UBE2E1: variants seen among roughly 807,000 people sequenced by gnomAD.
UBE2E1 encodes the protein ubiquitin-conjugating enzyme E2 E1.
Under a neutral mutation model 21.4 loss-of-function variants are expected in UBE2E1, and 6 were observed. The ratio of observed to expected loss-of-function variants is 0.28; its 90% confidence interval spans 0.15 to 0.55. The LOEUF (loss-of-function observed/expected upper bound fraction) is 0.55, where lower values mean the gene tolerates loss of function less well. UBE2E1 is among the 20% of genes least tolerant of loss of function. The probability of loss-of-function intolerance (pLI) is 0.93; values close to 1 mark genes in which losing one functional copy is unlikely to be tolerated. For synonymous variants in UBE2E1, 87 were observed against 82.7 expected, an observed-to-expected ratio of 1.05 and a Z score of -0.28; for missense variants, 142 against 236.5, an observed-to-expected ratio of 0.60 and a Z score of 2.62.
intron 3 of UBE2E1, among the ~76,000 whole-genome samples, chr3:23,815,358 C>G (rs1471321718): frequency 6.6e-6 from 1 of 152,090 alleles, no homozygotes; most frequent in Non-Finnish European, 1.5e-5. Context: ...CTAACACTGC[C>G]TATATTTTAA....
intron 3 of UBE2E1, among the ~76,000 whole-genome samples, chr3:23,877,326 G>C (rs1344664246): frequency 2.0e-5 from 3 of 152,050 alleles, no homozygotes; most frequent in African/African-American, 7.2e-5. Flanking sequence ...AATAAAATAA[G>C]ACTGGGCACT....
At position 23,816,309 on chromosome 3, in the gene UBE2E1, G is replaced by A. The variant is rs1466512269; in HGVS notation, c.203+4799G>A. 6.6e-6 allele frequency among the ~76,000 whole-genome samples: 1 copy of A among 152,172 alleles called. No homozygotes were observed. The highest frequency in any genetic ancestry group is 1.5e-5 in the Non-Finnish European group (1 of 68,032). ...GAAAAAACCCAAGTGTCTGTCAACA[G>A]ATGAGTGGATAAACAAAATTTGGTT... On this transcript the variant is annotated intron_variant, in intron 3 of 5. Transcript: ENST00000306627. The surrounding 1 kb of genome is among the most constrained non-coding windows in gnomAD (Gnocchi z 4.8).
In UBE2E1 at chr3:23,810,371, G is replaced by T. The variant is rs1450234622; in HGVS notation, c.153-1089G>T. 5 of 1,488,018 alleles carry T rather than the reference G, an allele frequency of 3.4e-6. 1 individual carries two copies. The South Asian group carries it at 3.6e-5, about 11-fold the overall frequency. The allele number at this position is 1,488,018 out of a possible 1,614,324, so 92.2% of individuals were successfully genotyped here. On this transcript the variant is annotated intron_variant, in intron 2 of 5. Transcript: ENST00000306627. This position sits in a 1 kb window ranked among gnomAD's most constrained non-coding sequence, Gnocchi z 5.8. ...TTGGTGTGAACTGCCTGGTGGCTTC[G>T]GCCTATGAGTGGGGGATGGGGCCCT...
chr3:23,864,226 C>T (rs999008731), intron 3 of UBE2E1, among the ~76,000 whole-genome samples: 3 of 152,090 alleles, frequency 2.0e-5, no homozygotes, highest in South Asian at 2.1e-4. Context: ...ATCTGAAGCC[C>T]GCTGATTTGG....
intron 3 of UBE2E1, among the ~76,000 whole-genome samples, chr3:23,820,286 T>TTA (rs1258312231): frequency 6.6e-6 from 1 of 152,232 alleles, no homozygotes; most frequent in Admixed American, 6.5e-5. Context: ...ACCTCCTCCT[T>TTA]TATAGGCTAA....
rs148583206 is a variant in UBE2E1 at position 23,816,230 on chromosome 3, A to G, written c.203+4720A>G. Among the ~76,000 whole-genome samples, 44 of 152,348 alleles carry G rather than the reference A, an allele frequency of 2.9e-4. No individual in the cohort carries two copies. Among genetic ancestry groups the G allele is most frequent in the Non-Finnish European group, 4.9e-4 (33 of 68,030 alleles). ...TGAATAATTAAAAACAGAGGCTCAA[A>G]CAGATAACCTGTATGTCAGTATTCA... is the stretch of plus-strand genomic sequence containing the variant. On this transcript the variant is annotated intron_variant, in intron 3 of 5. Coordinates refer to ENST00000306627, the MANE Select transcript of UBE2E1 (RefSeq NM_003341.5). This position sits in a 1 kb window ranked among gnomAD's most constrained non-coding sequence, Gnocchi z 4.8.
Position 23,808,768 on chromosome 3 carries a change from A to G in UBE2E1, c.152+1347A>G, listed in dbSNP as rs1254484805. 1 of 152,136 alleles carries G rather than the reference A, an allele frequency of 6.6e-6. No individual in the cohort carries two copies. Among genetic ancestry groups the G allele is most frequent in the South Asian group, 2.1e-4 (1 of 4,822 alleles). 9.4% of individuals were successfully genotyped at this position (152,136 alleles called of 1,614,324 possible). On this transcript the variant is annotated intron_variant, in intron 2 of 5. Coordinates refer to ENST00000306627, the MANE Select transcript of UBE2E1 (RefSeq NM_003341.5). The surrounding 1 kb of genome is among the most constrained non-coding windows in gnomAD (Gnocchi z 4.9). ...ATTAGCCCTGTGCGGTTTTCCTGGA[A>G]CCTGACATCTACTCTGCCCACTTGG...
Position 23,811,503 on chromosome 3 carries a change from A to G in UBE2E1, c.196A>G (p.Asn66Asp). 2 of 1,614,154 alleles carry G rather than the reference A, an allele frequency of 1.2e-6. No homozygotes were observed. The highest frequency in any genetic ancestry group is 1.7e-6 in the Non-Finnish European group (2 of 1,179,978). Residue 66 changes from asparagine (N) to aspartate (D), a missense_variant, in exon 3 of 6, where the codon AAT (asparagine) becomes GAT (aspartate). By Grantham distance (23) the Asn-to-Asp change is conservative. Transcript: ENST00000306627. ...LADITLDPPP[N>D]CSAGPKGDNI... Reference sequence around the variant, plus strand: ...GGACATCACTTTAGACCCTCCACCTAATTGCAGGTGAGTTGCTTTTCGGAT... The same window carrying G: ...GGACATCACTTTAGACCCTCCACCTGATTGCAGGTGAGTTGCTTTTCGGAT...
In UBE2E1 at chr3:23,808,297, A is replaced by G. The variant is rs1268195187; in HGVS notation, c.152+876A>G. ...TTTACCCCTGCCATCCTTCAGTAAT[A>G]TCCTCTGATCGCCATGACCCTCAAA... On this transcript the variant is annotated intron_variant, in intron 2 of 5. Coordinates refer to ENST00000306627, the MANE Select transcript of UBE2E1 (RefSeq NM_003341.5). The surrounding 1 kb of genome is among the most constrained non-coding windows in gnomAD (Gnocchi z 4.9). 6.6e-6 allele frequency among the ~76,000 whole-genome samples: 1 copy of G among 152,050 alleles called. No homozygotes were observed. The highest frequency in any genetic ancestry group is 2.4e-5 in the African/African-American group (1 of 41,372).
intron 3 of UBE2E1, among the ~76,000 whole-genome samples, chr3:23,856,726 C>T (rs577633537): frequency 4.0e-4 from 61 of 152,096 alleles, no homozygotes; most frequent in African/African-American, 1.3e-3. Context: ...GAAAAGAAAG[C>T]GCTTTAGAAA....
In UBE2E1 at chr3:23,870,777, A is replaced by C. The variant is rs1700766752; in HGVS notation, c.204-16790A>C. ...ATAGTGGAGGGAAGGTCAGCAGATA[A>C]ACAAGTGAACAAAGGTCTCTGGTTT... On this transcript the variant is annotated intron_variant, in intron 3 of 5. Coordinates refer to ENST00000306627, the MANE Select transcript of UBE2E1 (RefSeq NM_003341.5). The surrounding 1 kb of genome is among the most constrained non-coding windows in gnomAD (Gnocchi z 4.2). Among the ~76,000 whole-genome samples, 1 of 151,908 alleles carries C rather than the reference A, an allele frequency of 6.6e-6. No homozygotes were observed. Among genetic ancestry groups the C allele is most frequent in the Admixed American group, 6.6e-5 (1 of 15,234 alleles).
chr3:23,859,124 C>G (rs1700500193), intron 3 of UBE2E1, among the ~76,000 whole-genome samples: 1 of 152,176 alleles, frequency 6.6e-6, no homozygotes, highest in South Asian at 2.1e-4. Context: ...AGTTACCTCA[C>G]TAAACACTCC....
Position 23,877,392 on chromosome 3 carries a change from G to A in UBE2E1, c.204-10175G>A, listed in dbSNP as rs79688653. On this transcript the variant is annotated intron_variant, in intron 3 of 5. Transcript: ENST00000306627. ...CTCTTCCCTTTACTAGCTTAACCCT[G>A]AGCAAATTTTCTCTAAGGCAGGGTT... 6.0e-4 allele frequency among the ~76,000 whole-genome samples: 92 copies of A among 152,260 alleles called. No individual in the cohort carries two copies. In the East Asian group the frequency reaches 0.017, roughly 28 times the overall value.
chr3:23,888,024 A>G (rs2125331281), intron 4 of UBE2E1, among the ~76,000 whole-genome samples: 1 of 152,298 alleles, frequency 6.6e-6, no homozygotes, highest in Non-Finnish European at 1.5e-5. Context: ...AAATGGTGTC[A>G]AGCCAGGTGC....
chr3:23,862,820 G>A (rs1407885854), intron 3 of UBE2E1, among the ~76,000 whole-genome samples: 1 of 151,952 alleles, frequency 6.6e-6, no homozygotes, highest in African/African-American at 2.4e-5. Context: ...CAAACTCCTG[G>A]GCTCAGGCAT....
chr3:23,841,902 T>C (rs1169249829), intron 3 of UBE2E1, among the ~76,000 whole-genome samples: 1 of 152,152 alleles, frequency 6.6e-6, no homozygotes, highest in Non-Finnish European at 1.5e-5. Context: ...GGTTTAGAGT[T>C]CTATTAGGAG....
At chr3:23,862,413 T>G (rs577230833) in intron 3 of UBE2E1, among the ~76,000 whole-genome samples, 28 of 152,228 alleles carry the variant, frequency 1.8e-4, no homozygotes, top group Non-Finnish European at 3.2e-4. Flanking sequence ...CTGTGAAACC[T>G]TCTCAGTTTT....
chr3:23,884,671 C>G (rs1261238148), intron 3 of UBE2E1, among the ~76,000 whole-genome samples: 1 of 152,146 alleles, frequency 6.6e-6, no homozygotes, highest in African/African-American at 2.4e-5. Flanking sequence ...ACTGCCCTCA[C>G]TTTTGTTTTT....
intron 3 of UBE2E1, among the ~76,000 whole-genome samples, chr3:23,840,526 A>G (rs997082804): frequency 1.3e-5 from 2 of 152,182 alleles, no homozygotes; most frequent in Non-Finnish European, 2.9e-5. Flanking sequence ...CAGAACAGCT[A>G]TTAAGGCTAA....
Sources: gnomAD v4.1 joint callset for allele counts (sites outside exome capture counted in the v4.1 genomes callset) on GRCh38, gnomAD v4.1.1 for gene constraint, Gnocchi (gnomAD v3.1) non-coding constraint, MANE v1.5 for transcripts, NCBI Gene and HGNC (gene_info 2026-07-23, HGNC 2026-07-21) for gene names.